The following RAD1 variants were observed in gnomAD, a reference collection of about 807,000 sequenced individuals.
RAD1 encodes the protein cell cycle checkpoint protein RAD1.
RAD1 carries 21 observed loss-of-function variants against 30.0 expected under a neutral mutation model. The ratio of observed to expected loss-of-function variants is 0.70; its 90% CI spans 0.50 to 1.01. RAD1 has a LOEUF of 1.01. Ranked by LOEUF, RAD1 falls within the 50% of genes least tolerant of loss-of-function variation. The probability of loss-of-function intolerance (pLI) is 0.00; values close to 1 mark genes in which losing one functional copy is unlikely to be tolerated. For synonymous variants in RAD1, 109 were observed against 113.6 expected (o/e 0.96, Z 0.26); for missense variants, 329 against 329.0 (o/e 1.00, Z 0.00).
rs762877051 is a variant in RAD1 at position 34,914,789 on chromosome 5, T to C, written c.104A>G (p.His35Arg). The C allele has an allele frequency of 3.1e-6, 5 of 1,614,120 alleles. No homozygotes were observed. In the African/African-American group the frequency reaches 5.3e-5, roughly 17 times the overall value. The change falls in exon 2 of 6, where the codon CAT becomes CGT. Residue 35 changes from histidine to arginine, a missense_variant. By Grantham distance (29) the His-to-Arg change is conservative. Transcript: ENST00000382038. ...GAAACACGTGGCATGTTCTCGGAAA[T>C]GAATAGCTTTCAAGATAGTGGAGAG... The part of the protein sequence containing the change: ...RNLSTILKAI[H>R]FREHATCFAT...
intron 4 of RAD1, among the ~76,000 whole-genome samples, chr5:34,911,210 C>T (rs571942335): frequency 6.6e-6 from 1 of 152,144 alleles, no homozygotes; most frequent in Non-Finnish European, 1.5e-5. Context: ...AAAAAGATAC[C>T]ATAATACAAA....
chr5:34,913,431 G>T, intron 3 of RAD1, 39 bp downstream of exon 3: 1 of 1,241,260 alleles, frequency 8.1e-7, no homozygotes. Context: ...TGACCACTAT[G>T]TATAACACTT....
rs1484315956 is a variant in RAD1 at position 34,908,921 on chromosome 5, A to G, written c.693T>C (p.Ser231=). Residue 231 remains serine (S), a synonymous_variant, in exon 6 of 6, where the codon TCT becomes TCC. Coordinates refer to ENST00000382038, the MANE Select transcript of RAD1 (RefSeq NM_002853.4). Reference sequence around the variant, plus strand: ...TACAAGATAGGACTAATGCCTTTGTAGAGGGTTTCAGTAAGGAAATCTTGT... The same window carrying G: ...TACAAGATAGGACTAATGCCTTTGTGGAGGGTTTCAGTAAGGAAATCTTGT... ...NRYKISLLKP[S]TKALVLSCKV... 2 of 1,608,434 alleles carry G rather than the reference A, an allele frequency of 1.2e-6. No homozygotes were observed. The highest frequency in any genetic ancestry group is 2.2e-5 in the South Asian group (2 of 89,926).
chr5:34,912,296 G>A (rs192620115), intron 3 of RAD1, among the ~76,000 whole-genome samples: 1 of 152,214 alleles, frequency 6.6e-6, no homozygotes, highest in East Asian at 1.9e-4. Context: ...ATATTTCCTC[G>A]AATTTAAAAA....
chr5:34,910,151 A>G (rs1763786358), intron 4 of RAD1, among the ~76,000 whole-genome samples: 1 of 152,120 alleles, frequency 6.6e-6, no homozygotes, highest in Admixed American at 6.5e-5. Context: ...CAGGTACTTA[A>G]AATTTAACAT....
chr5:34,909,041 T>C (rs1763750182), intron 5 of RAD1, 93 bp from the exon 6 acceptor site: 7 of 1,196,008 alleles, frequency 5.9e-6, no homozygotes, highest in Non-Finnish European at 7.2e-6. Flanking sequence ...AATCTAAGAA[T>C]AAAATCAAGT....
chr5:34,912,269 A>C (rs1209331763), intron 3 of RAD1, among the ~76,000 whole-genome samples: 1 of 152,192 alleles, frequency 6.6e-6, no homozygotes, highest in African/African-American at 2.4e-5. Flanking sequence ...AACTTTTCCA[A>C]CTGGGAGATA....
Position 34,907,029 on chromosome 5 carries a change from T to C in RAD1, c.*1736A>G, listed in dbSNP as rs1333062414. On this transcript the variant is annotated 3_prime_UTR_variant, in exon 6 of 6. Coordinates refer to ENST00000382038, the MANE Select transcript of RAD1 (RefSeq NM_002853.4). ...CTTTTGTAGTCACTGCTAAATTTTG[T>C]ATGCTGAGATTGAGACACTTACTAG... is the stretch of plus-strand genomic sequence containing the variant. 6.6e-6 allele frequency: 1 copy of C among 152,212 alleles called. No individual in the cohort carries two copies. Among genetic ancestry groups the C allele is most frequent in the East Asian group, 1.9e-4 (1 of 5,198 alleles). 9.4% of individuals were successfully genotyped at this position (152,212 alleles called of 1,614,324 possible). A position where few individuals can be genotyped will look rare whatever the true frequency, so the allele number is the denominator to read the frequency against.
chr5:34,908,335 G>C lies in RAD1; in HGVS notation c.*430C>G, dbSNP rs1056472261. 6.6e-6 allele frequency: 1 copy of C among 152,352 alleles called. No homozygotes were observed. Among genetic ancestry groups the C allele is most frequent in the Non-Finnish European group, 1.5e-5 (1 of 68,374 alleles). 9.4% of individuals were successfully genotyped at this position (152,352 alleles called of 1,614,324 possible). On this transcript the variant is annotated 3_prime_UTR_variant, in exon 6 of 6. Coordinates refer to ENST00000382038, the MANE Select transcript of RAD1 (RefSeq NM_002853.4). ...ATTACAGGCATGTGCCACCACGTCC[G>C]GCTAATTTTTTGTATTTTTAGTAGA...
intron 3 of RAD1, among the ~76,000 whole-genome samples, chr5:34,912,891 C>T (rs1763896448): frequency 6.6e-6 from 1 of 152,214 alleles, no homozygotes; most frequent in East Asian, 1.9e-4. Flanking sequence ...ATCCCAGCTA[C>T]TCGGGAGGCT....
Position 34,905,524 on chromosome 5 carries a change from T to C in RAD1, c.*3241A>G, listed in dbSNP as rs1763620262. ...GGAATTTAACAAATACTTTTATTAT[T>C]TTGAAGCATTTCATCAATTCTCGGT... On this transcript the variant is annotated 3_prime_UTR_variant, in exon 6 of 6. Coordinates refer to ENST00000382038, the MANE Select transcript of RAD1 (RefSeq NM_002853.4). 1 of 152,100 alleles carries C rather than the reference T, an allele frequency of 6.6e-6. No individual in the cohort carries two copies. The highest frequency in any genetic ancestry group is 2.1e-4 in the South Asian group (1 of 4,814). The allele number at this position is 152,100 out of a possible 1,614,324, so 9.4% of individuals were successfully genotyped here.
chr5:34,909,104 C>T lies in RAD1; in HGVS notation c.665+154G>A, dbSNP rs557978491. Among the ~76,000 whole-genome samples the T allele has an allele frequency of 3.0e-4, 45 of 152,300 alleles. 1 individual carries two copies. Among genetic ancestry groups the T allele is most frequent in the African/African-American group, 9.1e-4 (38 of 41,572 alleles). ...TTTTAAAATTCATTCACTGTTAGAA[C>T]CCTACATCCCCTAGTAAGTCCAGCA... On this transcript the variant is annotated intron_variant, in intron 5 of 5. Coordinates refer to ENST00000382038, the MANE Select transcript of RAD1 (RefSeq NM_002853.4).
chr5:34,913,713 T>C, intron 2 of RAD1, 135 bp from the exon 3 acceptor site: 1 of 610,884 alleles, frequency 1.6e-6, no homozygotes, highest in Middle Eastern at 3.9e-4. Flanking sequence ...TGATTAGCAA[T>C]CAAAACATCT....
Position 34,906,325 on chromosome 5 carries a change from C to T in RAD1, c.*2440G>A, listed in dbSNP as rs552515485. 57 of 152,092 alleles carry T rather than the reference C, an allele frequency of 3.7e-4. No homozygotes were observed. Among genetic ancestry groups the T allele is most frequent in the African/African-American group, 1.3e-3 (52 of 41,488 alleles). 9.4% of individuals were successfully genotyped at this position (152,092 alleles called of 1,614,324 possible). ...AGCTGATTTATATTTGTTTTAAATT[C>T]TTTTTAGATTCAACTTTTAAAAAAT... On this transcript the variant is annotated 3_prime_UTR_variant, in exon 6 of 6. Transcript: ENST00000382038.
In RAD1 at chr5:34,908,804, G is replaced by C; in HGVS notation, c.810C>G (p.Tyr270Ter). 1 of 1,611,126 alleles carries C rather than the reference G, an allele frequency of 6.2e-7. No homozygotes were observed. Among genetic ancestry groups the C allele is most frequent in the Non-Finnish European group, 8.5e-7 (1 of 1,179,276 alleles). ...EDGQICFVEY[Y>*]CCPDEEVPES... ...CAGGAACTTCTTCATCAGGGCAGCAGTAATATTCCACAAAACATATTTGTC... is the reference window on the plus strand; with the variant it reads ...CAGGAACTTCTTCATCAGGGCAGCACTAATATTCCACAAAACATATTTGTC... Residue 270 changes from tyrosine to a stop codon, truncating the protein, a stop_gained, in exon 6 of 6, where the codon TAC becomes TAG. Transcript: ENST00000382038. LOFTEE classifies it high-confidence loss of function.
chr5:34,912,653 T>C (rs1763882519), intron 3 of RAD1, among the ~76,000 whole-genome samples: 1 of 152,158 alleles, frequency 6.6e-6, no homozygotes, highest in African/African-American at 2.4e-5. Context: ...GCAATTCAAT[T>C]TCACCATTCT....
At position 34,909,243 on chromosome 5, in the gene RAD1, A is replaced by G; in HGVS notation, c.665+15T>C. 1 of 1,547,538 alleles carries G rather than the reference A, an allele frequency of 6.5e-7. No individual in the cohort carries two copies. ...CTCTTTATCACCAATGACAACCTCT[A>G]TATTAAGAACTGACCTGTTGACTTG... On this transcript the variant is annotated intron_variant, in intron 5 of 5. Coordinates refer to ENST00000382038, the MANE Select transcript of RAD1 (RefSeq NM_002853.4).
chr5:34,914,356 G>C (rs1763968237), intron 2 of RAD1: 1 of 312,140 alleles, frequency 3.2e-6, no homozygotes, highest in East Asian at 8.0e-5. Flanking sequence ...AATAATAACA[G>C]AACCTACCTT....
Position 34,908,697 on chromosome 5 carries a change from G to A in RAD1, c.*68C>T, listed in dbSNP as rs1419218943. On this transcript the variant is annotated 3_prime_UTR_variant, in exon 6 of 6. Coordinates refer to ENST00000382038, the MANE Select transcript of RAD1 (RefSeq NM_002853.4). Reference sequence around the variant, plus strand: ...AAAATCCAATATGAAATGACAAAGAGTACTGTACTCAGAATAAGAACTTCA... The same window carrying A: ...AAAATCCAATATGAAATGACAAAGAATACTGTACTCAGAATAAGAACTTCA... 2.9e-6 allele frequency: 4 copies of A among 1,357,838 alleles called. No homozygotes were observed. Among genetic ancestry groups the A allele is most frequent in the Non-Finnish European group, 4.0e-6 (4 of 989,720 alleles). 84.1% of individuals were successfully genotyped at this position (1,357,838 alleles called of 1,614,324 possible).
Sources: allele counts gnomAD v4.1 joint callset (sites outside exome capture counted in the v4.1 genomes callset), GRCh38; gene constraint gnomAD v4.1.1; transcripts MANE v1.5; gene names NCBI Gene and HGNC (gene_info 2026-07-23, HGNC 2026-07-21).